EVA1C: variants seen among roughly 807,000 people sequenced by gnomAD.
The protein encoded by EVA1C is eva-1 homolog C.
A neutral mutation model predicts 45.4 loss-of-function variants in EVA1C; 25 were observed. That is an observed-to-expected ratio of 0.55 (90% confidence interval 0.40 to 0.77). EVA1C has a LOEUF of 0.77. EVA1C is among the 30% of genes least tolerant of loss of function. The probability of loss-of-function intolerance (pLI) is 0.00; values close to 1 mark genes in which losing one functional copy is unlikely to be tolerated. For synonymous variants in EVA1C, 190 were observed against 221.2 expected, an observed-to-expected ratio of 0.86 and a Z score of 1.25; for missense variants, 479 against 554.8, an observed-to-expected ratio of 0.86 and a Z score of 1.37.
intron 4 of EVA1C, among the ~76,000 whole-genome samples, chr21:32,481,178 C>T (rs112294157): frequency 0.057 from 8,697 of 152,004 alleles, 397 homozygotes; most frequent in Non-Finnish European, 0.078. Context: ...CAGGAAAAAA[C>T]GATACTACTT....
chr21:32,476,933 G>A (rs1468696612), intron 4 of EVA1C, among the ~76,000 whole-genome samples: 5 of 152,096 alleles, frequency 3.3e-5, no homozygotes, highest in African/African-American at 1.2e-4. Context: ...CCCTAAGCTG[G>A]TCCCAACTGA....
At chr21:32,502,004 CTT>C (rs1410486464) in intron 6 of EVA1C, among the ~76,000 whole-genome samples, 2 of 89,796 alleles carry the variant, frequency 2.2e-5, no homozygotes, top group Non-Finnish European at 4.6e-5. Context: ...TTCTTTCTTT[CTT>C]TCTTTCTTTC....
intron 4 of EVA1C, among the ~76,000 whole-genome samples, chr21:32,471,324 CTT>C (rs796205289): frequency 6.8e-5 from 8 of 117,550 alleles, no homozygotes; most frequent in African/African-American, 3.0e-4. Flanking sequence ...TCCTTTTTTT[CTT>C]TTTTCTTTTT....
chr21:32,497,221 G>A (rs2037381676), intron 5 of EVA1C: 1 of 811,864 alleles, frequency 1.2e-6, no homozygotes, highest in African/African-American at 1.7e-5. Flanking sequence ...AAACCGTCCA[G>A]CAGACTTTAA....
At position 32,515,039 on chromosome 21, in the gene EVA1C, G is replaced by C. The variant is rs779791533; in HGVS notation, c.1175G>C (p.Gly392Ala). Residue 392 changes from glycine (G) to alanine (A), a missense_variant, in exon 8 of 8, where the codon GGG (glycine) becomes GCG (alanine). Gly to Ala is a moderately conservative substitution (Grantham distance 60, BLOSUM62 0). Transcript: ENST00000300255. Reference protein sequence around the residue: ...SESDFPGELSGFCRTSYPIYS... With the variant: ...SESDFPGELSAFCRTSYPIYS... ...TCTGATTTCCCAGGGGAACTGTCGG[G>C]GTTCTGTAGGACTTCATATCCTATA... 12 of 1,614,054 alleles carry C rather than the reference G, an allele frequency of 7.4e-6. No homozygotes were observed. The highest frequency in any genetic ancestry group is 1.0e-5 in the Non-Finnish European group (12 of 1,180,042).
intron 1 of EVA1C, among the ~76,000 whole-genome samples, chr21:32,434,222 G>T (rs2034834271): frequency 6.6e-6 from 1 of 152,048 alleles, no homozygotes; most frequent in African/African-American, 2.4e-5. Flanking sequence ...CTTGAACCCG[G>T]GAGGCGGAAG....
intron 7 of EVA1C, among the ~76,000 whole-genome samples, chr21:32,504,829 C>T (rs942880688): frequency 6.6e-6 from 1 of 151,922 alleles, no homozygotes; most frequent in African/African-American, 2.4e-5. Context: ...TGTCTGTTCT[C>T]ATGCTATTAA....
At chr21:32,480,323 G>A (rs527397790) in intron 4 of EVA1C, among the ~76,000 whole-genome samples, 8 of 84,582 alleles carry the variant, frequency 9.5e-5, no homozygotes, top group Non-Finnish European at 1.6e-4. Flanking sequence ...AAAAGGTACC[G>A]AGTTGGTACA....
At chr21:32,512,276 T>A (rs2037981841) in intron 7 of EVA1C, among the ~76,000 whole-genome samples, 1 of 152,026 alleles carries the variant, frequency 6.6e-6, no homozygotes, top group African/African-American at 2.4e-5. Context: ...AGACATAAAG[T>A]AGGGCTATGT....
At chr21:32,449,111 C>A (rs1481295227) in intron 1 of EVA1C, among the ~76,000 whole-genome samples, 6 of 152,268 alleles carry the variant, frequency 3.9e-5, no homozygotes, top group African/African-American at 1.2e-4. Flanking sequence ...TCAACCTCTA[C>A]TCCTACCTGC....
At chr21:32,499,369 G>A (rs1434186521) in intron 5 of EVA1C, among the ~76,000 whole-genome samples, 1 of 152,204 alleles carries the variant, frequency 6.6e-6, no homozygotes, top group Non-Finnish European at 1.5e-5. Context: ...AGGGTCCCAG[G>A]ATCAGTGGTG....
At chr21:32,412,006 C>G (rs1251409630), upstream of EVA1C, 1 of 152,338 alleles carries the variant, frequency 6.6e-6, no homozygotes, top group African/African-American at 2.4e-5. Flanking sequence ...CTGTTTGCGC[C>G]GGTGCAGTGT....
intron 6 of EVA1C, among the ~76,000 whole-genome samples, chr21:32,503,481 T>C (rs2037624145): frequency 6.6e-6 from 1 of 152,050 alleles, no homozygotes; most frequent in Admixed American, 6.6e-5. Context: ...AGGAGGTAGA[T>C]GGTTGCAGTG....
chr21:32,487,386 G>A (rs960545302), intron 4 of EVA1C, among the ~76,000 whole-genome samples: 1 of 152,006 alleles, frequency 6.6e-6, no homozygotes, highest in African/African-American at 2.4e-5. Flanking sequence ...TCAACAATGG[G>A]GCTCAGAGAC....
At chr21:32,425,407 C>T (rs912431686) in intron 1 of EVA1C, among the ~76,000 whole-genome samples, 6 of 149,526 alleles carry the variant, frequency 4.0e-5, no homozygotes, top group African/African-American at 1.5e-4. Context: ...TGGTCTCAAA[C>T]TCCTAGCCTT....
intron 3 of EVA1C, among the ~76,000 whole-genome samples, chr21:32,464,256 T>A (rs2036097865): frequency 6.6e-6 from 1 of 152,226 alleles, no homozygotes; most frequent in South Asian, 2.1e-4. Context: ...ATTTTCATTT[T>A]TCTTCCTCGT....
chr21:32,447,079 G>A (rs2035390135), intron 1 of EVA1C, among the ~76,000 whole-genome samples: 1 of 152,116 alleles, frequency 6.6e-6, no homozygotes, highest in Non-Finnish European at 1.5e-5. Context: ...CTTCAAACTT[G>A]TCGGACCATA....
At chr21:32,504,614 GC>G (rs771101343) in intron 7 of EVA1C, among the ~76,000 whole-genome samples, 5 of 152,170 alleles carry the variant, frequency 3.3e-5, no homozygotes, top group Non-Finnish European at 7.3e-5. Context: ...CACCCTCTCT[GC>G]TTATCTTAAG....
chr21:32,458,129 G>C (rs1227119672), intron 3 of EVA1C, among the ~76,000 whole-genome samples: 3 of 152,174 alleles, frequency 2.0e-5, no homozygotes, highest in African/African-American at 7.2e-5. Context: ...TTGAGGCCCA[G>C]TGGCCCACTT....
Sources: allele counts gnomAD v4.1 joint callset (sites outside exome capture counted in the v4.1 genomes callset), GRCh38; gene constraint gnomAD v4.1.1; transcripts MANE v1.5; gene names NCBI Gene and HGNC (gene_info 2026-07-23, HGNC 2026-07-21).